Variants in AMMECR1 observed in about 807,000 individuals in gnomAD.
The protein encoded by AMMECR1 is AMMECR nuclear protein 1.
Under a neutral mutation model 22.5 loss-of-function variants are expected in AMMECR1, and 3 were observed. The observed-to-expected ratio is 0.13, with a 90% CI of 0.06 to 0.35. AMMECR1 has a LOEUF of 0.35. Among genes scored for constraint, AMMECR1 ranks in the 10% least tolerant of loss-of-function variants. The pLI is 1.00. For missense variants in AMMECR1, 235 were observed against 278.7 expected, an observed-to-expected ratio of 0.84 and a Z score of 1.12; for synonymous variants, 130 against 116.7, an observed-to-expected ratio of 1.11 and a Z score of -0.74.
In AMMECR1 at chrX:110,346,152, A is replaced by G. The variant is rs767034328; in HGVS notation, c.-147-28303T>C. Among the ~76,000 whole-genome samples the G allele has an allele frequency of 1.7e-4, 19 of 112,438 alleles. No individual in the cohort carries two copies. In the Admixed American group the frequency reaches 1.7e-3, roughly 10 times the overall value. On this transcript the variant is annotated intron_variant, in intron 2 of 7. Coordinates refer to the AMMECR1 transcript ENST00000372057. ...ATTTAGCAAGTGAGAAAAAATTGGA[A>G]TATTGAAGTATTTGCATAAAAAATC...
chrX:110,378,603 T>A (rs181327783), intron 2 of AMMECR1, among the ~76,000 whole-genome samples: 95 of 112,449 alleles, frequency 8.4e-4, no homozygotes, highest in Non-Finnish European at 1.5e-3. Context: ...CTTTAGCTTT[T>A]GCCAAACTAC....
At chrX:110,211,845 C>T (rs1431609371) in intron 3 of AMMECR1, among the ~76,000 whole-genome samples, 1 of 111,774 alleles carries the variant, frequency 8.9e-6, no homozygotes, top group Non-Finnish European at 1.9e-5. Flanking sequence ...GGCCACTGCT[C>T]TAATTTGTCC....
intron 2 of AMMECR1, among the ~76,000 whole-genome samples, chrX:110,375,564 C>G (rs192144069): frequency 0.018 from 1,928 of 108,415 alleles, 25 homozygotes; most frequent in Non-Finnish European, 0.028. Flanking sequence ...ATGAATGAAT[C>G]AATCAATCAA....
At chrX:110,306,799 A>C (rs1367356168) in intron 1 of AMMECR1, 3 of 112,013 alleles carry the variant, frequency 2.7e-5, no homozygotes, top group African/African-American at 9.7e-5. Flanking sequence ...AGGATTCCCA[A>C]AATTCCTAGA....
intron 2 of AMMECR1, among the ~76,000 whole-genome samples, chrX:110,407,361 G>A (rs1316946483): frequency 8.9e-6 from 1 of 112,232 alleles, no homozygotes. Flanking sequence ...GAGCCTCACA[G>A]GAAACTCTGC....
intron 1 of AMMECR1, among the ~76,000 whole-genome samples, chrX:110,275,434 C>A (rs2067821038): frequency 9.0e-6 from 1 of 110,648 alleles, no homozygotes; most frequent in African/African-American, 3.3e-5. Flanking sequence ...TCCATTGTTT[C>A]TGATGAGAAG....
chrX:110,239,010 C>T (rs1464764123), intron 2 of AMMECR1, among the ~76,000 whole-genome samples: 1 of 111,607 alleles, frequency 9.0e-6, no homozygotes, highest in Non-Finnish European at 1.9e-5. Context: ...TCAACATCAA[C>T]AAAAAAGATG....
chrX:110,269,209 G>C (rs1024525210), intron 1 of AMMECR1, among the ~76,000 whole-genome samples: 1 of 111,289 alleles, frequency 9.0e-6, no homozygotes, highest in African/African-American at 3.3e-5. Context: ...ATCTGAACAG[G>C]GCACTCCCCA....
At chrX:110,258,258 T>A (rs1416028461) in intron 2 of AMMECR1, among the ~76,000 whole-genome samples, 2 of 112,443 alleles carry the variant, frequency 1.8e-5, no homozygotes, top group Non-Finnish European at 3.8e-5. Flanking sequence ...CCATTACCCA[T>A]TCTGCAAATG....
At chrX:110,401,453 A>G (rs2068564016) in intron 2 of AMMECR1, among the ~76,000 whole-genome samples, 1 of 111,664 alleles carries the variant, frequency 9.0e-6, no homozygotes, top group East Asian at 2.8e-4. Context: ...GTGTTTTCTG[A>G]AGGTAAACTG....
At chrX:110,235,345 C>T (rs966112830) in intron 2 of AMMECR1, among the ~76,000 whole-genome samples, 1 of 111,942 alleles carries the variant, frequency 8.9e-6, no homozygotes, top group African/African-American at 3.2e-5. Context: ...ATGCTGGAGA[C>T]GATGTGGAGA....
At chrX:110,377,333 T>A (rs1273865281) in intron 2 of AMMECR1, among the ~76,000 whole-genome samples, 1 of 111,697 alleles carries the variant, frequency 9.0e-6, no homozygotes, top group Non-Finnish European at 1.9e-5. Flanking sequence ...CTCTTTAAAA[T>A]TCCGTGAAAT....
At chrX:110,273,959 C>T (rs971465164) in intron 1 of AMMECR1, among the ~76,000 whole-genome samples, 11 of 111,790 alleles carry the variant, frequency 9.8e-5, no homozygotes, top group African/African-American at 3.2e-4. Flanking sequence ...ATTGCTTTGG[C>T]TATTCATGGT....
intron 2 of AMMECR1, among the ~76,000 whole-genome samples, chrX:110,251,649 G>A (rs973727223): frequency 8.9e-6 from 1 of 112,207 alleles, no homozygotes; most frequent in Non-Finnish European, 1.9e-5. Flanking sequence ...GCCAGAATAA[G>A]AACCCAGACA....
At chrX:110,438,821 T>A (rs1391510233) in intron 1 of AMMECR1, among the ~76,000 whole-genome samples, 1 of 112,212 alleles carries the variant, frequency 8.9e-6, no homozygotes, top group Non-Finnish European at 1.9e-5. Flanking sequence ...AAGGAACATC[T>A]TATCCTTTGC....
intron 1 of AMMECR1, among the ~76,000 whole-genome samples, chrX:110,303,171 T>C (rs1196841971): frequency 2.7e-5 from 3 of 111,893 alleles, no homozygotes; most frequent in Non-Finnish European, 3.8e-5. Context: ...TGAATTTCTC[T>C]AGACTGAGCG....
In AMMECR1 at chrX:110,216,428, G is replaced by A; in HGVS notation, c.699+90C>T. On this transcript the variant is annotated intron_variant, in intron 3 of 5. Transcript: ENST00000262844. ...CTCGACCTCCATTACAATAGAGAATGGGCTGAAAGAGTTATTTTCTGGGCC... is the reference window on the plus strand; with the variant it reads ...CTCGACCTCCATTACAATAGAGAATAGGCTGAAAGAGTTATTTTCTGGGCC... The A allele has an allele frequency of 1.0e-5, 6 of 590,478 alleles. 1 individual carries two copies. Among genetic ancestry groups the A allele is most frequent in the Non-Finnish European group, 2.8e-6 (1 of 360,323 alleles). The allele number at this position is 590,478 out of a possible 1,213,427, so 48.7% of individuals were successfully genotyped here.
Position 110,410,466 on chromosome X carries a change from G to C in AMMECR1, c.-148+16192C>G, listed in dbSNP as rs1260737794. 2.7e-5 allele frequency among the ~76,000 whole-genome samples: 3 copies of C among 112,361 alleles called. No homozygotes were observed. In the East Asian group the frequency reaches 8.3e-4, roughly 31 times the overall value. On this transcript the variant is annotated intron_variant, in intron 2 of 7. Transcript: ENST00000372057. ...CCATAGAAAGCCAAGTGAAATAATG[G>C]AGGTAATTATCCACCTATTTTCTTT...
intron 2 of AMMECR1, among the ~76,000 whole-genome samples, chrX:110,252,473 A>G (rs2067690934): frequency 9.0e-6 from 1 of 111,469 alleles, no homozygotes; most frequent in Admixed American, 9.6e-5. Flanking sequence ...CATCATTATA[A>G]TAGTCTATTT....
Sources: allele counts gnomAD v4.1 joint callset (sites outside exome capture counted in the v4.1 genomes callset), GRCh38; gene constraint gnomAD v4.1.1; transcripts MANE v1.5; gene names NCBI Gene and HGNC (gene_info 2026-07-23, HGNC 2026-07-21).